Variants in KAZN observed in about 807,000 individuals in gnomAD.
KAZN encodes the protein kazrin, periplakin interacting protein, also known as kazrin.
In KAZN, 40 loss-of-function variants were observed where a neutral mutation model predicts 87.4. The ratio of observed to expected loss-of-function variants is 0.46; its 90% CI spans 0.36 to 0.60. The LOEUF is 0.60. Ranked by LOEUF, KAZN falls within the 20% of genes least tolerant of loss-of-function variation. The pLI is 0.00. For synonymous variants in KAZN, 466 were observed against 458.3 expected (o/e 1.02, Z -0.22); for missense variants, 898 against 1,073.9 (o/e 0.84, Z 2.29).
At chr1:14,420,603 G>C (rs113194031) in intron 2 of KAZN, among the ~76,000 whole-genome samples, 1 of 152,230 alleles carries the variant, frequency 6.6e-6, no homozygotes, top group East Asian at 1.9e-4. Context: ...CGGCAGGAGT[G>C]GGGAGGCTCA....
Position 14,413,963 on chromosome 1 carries a change from G to C in KAZN, c.250-185020G>C, listed in dbSNP as rs146553747. On this transcript the variant is annotated intron_variant, in intron 2 of 16. Coordinates refer to the KAZN transcript ENST00000636203. ...AAATGTTTGACCTCATTAGTAATCA[G>C]GGAAGTGCAAAGTAAAACAAGGAGA... Among the ~76,000 whole-genome samples the C allele has an allele frequency of 6.1e-3, 931 of 152,308 alleles. 39 individuals carry two copies. The highest frequency in any genetic ancestry group is 0.049 in the Admixed American group (749 of 15,304).
At chr1:14,418,200 G>A (rs1664990493) in intron 2 of KAZN, among the ~76,000 whole-genome samples, 2 of 152,038 alleles carry the variant, frequency 1.3e-5, no homozygotes, top group Admixed American at 1.3e-4. Flanking sequence ...TAGTGTTGAT[G>A]AGATATTAGG....
chr1:14,954,076 C>G (rs1360722842), intron 1 of KAZN, among the ~76,000 whole-genome samples: 1 of 152,188 alleles, frequency 6.6e-6, no homozygotes, highest in East Asian at 1.9e-4. Flanking sequence ...TACACCACAC[C>G]CCCTTTCCCT....
chr1:14,723,648 C>G (rs1643233251), intron 1 of KAZN, among the ~76,000 whole-genome samples: 1 of 152,240 alleles, frequency 6.6e-6, no homozygotes, highest in Non-Finnish European at 1.5e-5. Flanking sequence ...CTCCCTCTCT[C>G]TCCTGCATTC....
chr1:14,966,302 A>T (rs1664451927), intron 2 of KAZN, among the ~76,000 whole-genome samples: 2 of 152,180 alleles, frequency 1.3e-5, no homozygotes, highest in African/African-American at 2.4e-5. Context: ...TTTTAATGAG[A>T]AGTAGCTGTA....
chr1:14,586,857 A>G (rs1356140371), intron 2 of KAZN, among the ~76,000 whole-genome samples: 1 of 152,184 alleles, frequency 6.6e-6, no homozygotes, highest in Non-Finnish European at 1.5e-5. Context: ...TCAACATTTA[A>G]GTTCAAAGCA....
intron 2 of KAZN, among the ~76,000 whole-genome samples, chr1:14,418,328 A>C (rs142520934): frequency 6.6e-6 from 1 of 152,300 alleles, no homozygotes; most frequent in African/African-American, 2.4e-5. Flanking sequence ...GAAAGTCTCA[A>C]GCCATGCCGG....
At chr1:14,607,667 G>A (rs1308964773) in intron 1 of KAZN, among the ~76,000 whole-genome samples, 4 of 152,302 alleles carry the variant, frequency 2.6e-5, no homozygotes, top group African/African-American at 4.8e-5. Context: ...ATGTTCAAAC[G>A]TGAGAATCTC....
intron 2 of KAZN, among the ~76,000 whole-genome samples, chr1:14,514,612 TATATATA>T (rs1671198582): frequency 6.4e-4 from 24 of 37,578 alleles, no homozygotes; most frequent in African/African-American, 2.6e-3. Flanking sequence ...TATATATATA[TATATATA>T]TATATATATA....
chr1:14,616,354 T>C lies in KAZN; in HGVS notation c.226+17131T>C, dbSNP rs376237760. Among the ~76,000 whole-genome samples the C allele has an allele frequency of 1.2e-4, 18 of 152,244 alleles. 3 individuals are homozygous for C. The highest frequency in any genetic ancestry group is 5.9e-4 in the Admixed American group (9 of 15,296). ...CCTTTGTGTGCCATCAACTCATCCTTTCTGTGCCCTCAAATAACTTAAATT... is the reference window on the plus strand; with the variant it reads ...CCTTTGTGTGCCATCAACTCATCCTCTCTGTGCCCTCAAATAACTTAAATT... On this transcript the variant is annotated intron_variant, in intron 1 of 14. Coordinates refer to ENST00000376030, the MANE Select transcript of KAZN (RefSeq NM_201628.3).
At chr1:15,005,215 C>T (rs758392174) in intron 2 of KAZN, among the ~76,000 whole-genome samples, 9 of 152,108 alleles carry the variant, frequency 5.9e-5, no homozygotes, top group Non-Finnish European at 1.3e-4. Context: ...GAAAAAAAAA[C>T]ATGTTTTTAA....
At chr1:15,057,896 G>A (rs1171416230) in intron 5 of KAZN, among the ~76,000 whole-genome samples, 1 of 152,234 alleles carries the variant, frequency 6.6e-6, no homozygotes, top group Non-Finnish European at 1.5e-5. Flanking sequence ...GCCTCTGCAG[G>A]GCCTCTCCTC....
chr1:14,710,392 AG>A lies in KAZN; in HGVS notation c.226+111171del, dbSNP rs1181348044. Reference sequence around the variant, plus strand: ...CACTGTACTGCTCAAAACCTCCCAGAGGCTCCCTCTCAGAGAAAAGGCCGAT... The same window carrying A: ...CACTGTACTGCTCAAAACCTCCCAGAGCTCCCTCTCAGAGAAAAGGCCGAT... On this transcript the variant is annotated intron_variant, in intron 1 of 14. Coordinates refer to ENST00000376030, the MANE Select transcript of KAZN (RefSeq NM_201628.3). Among the ~76,000 whole-genome samples, 4 of 152,254 alleles carry A rather than the reference AG, an allele frequency of 2.6e-5. No homozygotes were observed. The East Asian group carries it at 7.7e-4, about 29-fold the overall frequency.
intron 1 of KAZN, among the ~76,000 whole-genome samples, chr1:14,064,176 T>C (rs1345607052): frequency 6.6e-6 from 1 of 152,162 alleles, no homozygotes; most frequent in Admixed American, 6.5e-5. Flanking sequence ...GTATATGCAG[T>C]AGCTCACAGA....
rs7549911 is a variant in KAZN at position 14,362,821 on chromosome 1, G to C, written c.249+182229G>C. On this transcript the variant is annotated intron_variant, in intron 2 of 16. Coordinates refer to the KAZN transcript ENST00000636203. The stretch of plus-strand genomic sequence containing the variant: ...AAACTCAGACCTATTTGACTCCAAG[G>C]GGTATATTCTTTCTCATTCACTACC... 1.8e-3 allele frequency among the ~76,000 whole-genome samples: 276 copies of C among 152,020 alleles called. 6 individuals carry two copies. The highest frequency in any genetic ancestry group is 0.013 in the Admixed American group (201 of 15,294).
chr1:14,701,428 G>A (rs1269924093), intron 1 of KAZN, among the ~76,000 whole-genome samples: 1 of 152,028 alleles, frequency 6.6e-6, no homozygotes, highest in African/African-American at 2.4e-5. Flanking sequence ...ACTGTGCCCA[G>A]CCTAGTATAA....
chr1:14,294,493 T>C (rs1191906985), intron 2 of KAZN, among the ~76,000 whole-genome samples: 1 of 151,890 alleles, frequency 6.6e-6, no homozygotes, highest in Non-Finnish European at 1.5e-5. Context: ...TGTTCTCCCA[T>C]TTAACAGATG....
At chr1:14,166,719 T>C (rs1203905784) in intron 1 of KAZN, among the ~76,000 whole-genome samples, 1 of 152,252 alleles carries the variant, frequency 6.6e-6, no homozygotes. Context: ...ATTTTAGTTA[T>C]ACTTAAGTAC....
chr1:15,065,423 T>C (rs975822398), intron 7 of KAZN, among the ~76,000 whole-genome samples: 1 of 152,210 alleles, frequency 6.6e-6, no homozygotes, highest in African/African-American at 2.4e-5. Flanking sequence ...GACTGGTCCC[T>C]GTTTGCTCAG....
Sources: allele counts gnomAD v4.1 joint callset (sites outside exome capture counted in the v4.1 genomes callset), GRCh38; gene constraint gnomAD v4.1.1; transcripts MANE v1.5; gene names NCBI Gene and HGNC (gene_info 2026-07-23, HGNC 2026-07-21).